Variants in CACNA1B observed in about 807,000 individuals in gnomAD.
The protein encoded by CACNA1B is voltage-dependent N-type calcium channel subunit alpha-1B.
Under a neutral mutation model 247.2 loss-of-function variants are expected in CACNA1B, and 70 were observed. The observed-to-expected ratio is 0.28, with a 90% confidence interval of 0.23 to 0.35. CACNA1B has a LOEUF of 0.35. Among genes scored for constraint, CACNA1B ranks in the 10% least tolerant of loss-of-function variants. The pLI, the probability that CACNA1B is intolerant of heterozygous loss-of-function variation, is 1.00. For synonymous variants in CACNA1B, 1,231 were observed against 1,294.4 expected, an observed-to-expected ratio of 0.95 and a Z score of 1.05; for missense variants, 2,367 against 3,197.4, an observed-to-expected ratio of 0.74 and a Z score of 6.26.
At chr9:138,021,785 G>A (rs1181359165) in intron 18 of CACNA1B, among the ~76,000 whole-genome samples, 1 of 152,242 alleles carries the variant, frequency 6.6e-6, no homozygotes, top group African/African-American at 2.4e-5. Context: ...TGGTTGTAAG[G>A]ACTGGATGAA....
At chr9:137,910,710 T>C (rs1957350426) in intron 3 of CACNA1B, among the ~76,000 whole-genome samples, 1 of 152,054 alleles carries the variant, frequency 6.6e-6, no homozygotes, top group Admixed American at 6.5e-5. Context: ...CATGCTCCTA[T>C]GAGAATCTAA....
chr9:138,108,046 A>T, intron 39 of CACNA1B, among the ~76,000 whole-genome samples: 2 of 145,178 alleles, frequency 1.4e-5, no homozygotes, highest in Non-Finnish European at 1.5e-5. Flanking sequence ...AAAAAAAAAG[A>T]GATAACCAGG....
intron 20 of CACNA1B, among the ~76,000 whole-genome samples, chr9:138,027,586 C>G (rs1258584206): frequency 4.0e-5 from 6 of 151,820 alleles, no homozygotes. Flanking sequence ...GTGTGTGTGT[C>G]TGTTTGTGTG....
chr9:138,078,746 G>C (rs1209363734), intron 36 of CACNA1B, among the ~76,000 whole-genome samples: 2 of 152,218 alleles, frequency 1.3e-5, no homozygotes, highest in Non-Finnish European at 2.9e-5. Context: ...TGGCTGCAGA[G>C]CGAGTGAGGA....
chr9:138,000,218 C>T, intron 15 of CACNA1B, among the ~76,000 whole-genome samples: 1 of 151,824 alleles, frequency 6.6e-6, no homozygotes, highest in South Asian at 2.1e-4. Flanking sequence ...CCTGCCTCAG[C>T]CTCCCGAGTG....
intron 31 of CACNA1B, among the ~76,000 whole-genome samples, chr9:138,066,165 C>T (rs954367830): frequency 2.0e-5 from 3 of 152,216 alleles, no homozygotes; most frequent in African/African-American, 4.8e-5. Flanking sequence ...CTCCTTCCTG[C>T]AGGGGAGCTC....
intron 36 of CACNA1B, among the ~76,000 whole-genome samples, chr9:138,085,987 A>G (rs1960681181): frequency 6.6e-6 from 1 of 151,240 alleles, no homozygotes; most frequent in Non-Finnish European, 1.5e-5. Flanking sequence ...TGAGTTTCAC[A>G]AAAGAGAAAG....
At chr9:137,936,857 G>A (rs936403600) in intron 6 of CACNA1B, among the ~76,000 whole-genome samples, 2 of 152,212 alleles carry the variant, frequency 1.3e-5, no homozygotes, top group African/African-American at 4.8e-5. Flanking sequence ...TTTGGTACCA[G>A]TACCATGCTG....
chr9:138,004,902 C>T (rs931752217), intron 15 of CACNA1B, among the ~76,000 whole-genome samples: 1 of 152,128 alleles, frequency 6.6e-6, no homozygotes. Flanking sequence ...CATCACTAAT[C>T]ATCAGGCGAA....
At position 138,121,322 on chromosome 9, in the gene CACNA1B, C is replaced by A; in HGVS notation, c.6490-147C>A. ...CCCCGCACACAGGTGCCTGTTGCCT[C>A]CCTGGTCACCGCAGCCCGTTGTCCC... On this transcript the variant is annotated intron_variant, in intron 46 of 46. Coordinates refer to ENST00000371372, the MANE Select transcript of CACNA1B (RefSeq NM_000718.4). The surrounding 1 kb of genome is among the most constrained non-coding windows in gnomAD (Gnocchi z 6.8). The A allele has an allele frequency of 1.6e-6, 1 of 621,022 alleles. No homozygotes were observed. Among genetic ancestry groups the A allele is most frequent in the Non-Finnish European group, 2.7e-6 (1 of 370,926 alleles). 38.5% of individuals were successfully genotyped at this position (621,022 alleles called of 1,614,324 possible).
intron 10 of CACNA1B, among the ~76,000 whole-genome samples, chr9:137,966,343 G>A (rs1958075882): frequency 6.7e-6 from 1 of 150,244 alleles, no homozygotes; most frequent in African/African-American, 2.5e-5. Context: ...TCCTGCCTCA[G>A]CCTCCTGAGT....
Position 138,102,385 on chromosome 9 carries a change from C to T in CACNA1B, c.5223-326C>T, listed in dbSNP as rs994405951. On this transcript the variant is annotated intron_variant, in intron 37 of 46. Coordinates refer to ENST00000371372, the MANE Select transcript of CACNA1B (RefSeq NM_000718.4). The surrounding 1 kb of genome is among the most constrained non-coding windows in gnomAD (Gnocchi z 5.4). ...AAGAGTAAAATCAGAAATTATCAACCCAAAGCCGCCCCGATGCAGCCCTTC... is the reference window on the plus strand; with the variant it reads ...AAGAGTAAAATCAGAAATTATCAACTCAAAGCCGCCCCGATGCAGCCCTTC... 2.6e-5 allele frequency among the ~76,000 whole-genome samples: 4 copies of T among 151,996 alleles called. No homozygotes were observed. The highest frequency in any genetic ancestry group is 6.6e-5 in the Admixed American group (1 of 15,256).
intron 3 of CACNA1B, among the ~76,000 whole-genome samples, chr9:137,893,214 AAAAAT>A (rs1363278682): frequency 6.6e-6 from 1 of 151,126 alleles, no homozygotes; most frequent in Non-Finnish European, 1.5e-5. Flanking sequence ...AGGTAAAAGA[AAAAAT>A]AAAAGCTGGC....
intron 3 of CACNA1B, among the ~76,000 whole-genome samples, chr9:137,895,390 A>T (rs571524589): frequency 2.0e-5 from 3 of 152,198 alleles, no homozygotes; most frequent in Non-Finnish European, 2.9e-5. Context: ...CTTGATATAT[A>T]AAAAAAATCA....
intron 20 of CACNA1B, among the ~76,000 whole-genome samples, chr9:138,036,405 C>T (rs1959046324): frequency 6.6e-6 from 1 of 152,238 alleles, no homozygotes; most frequent in South Asian, 2.1e-4. Flanking sequence ...TCCCAAAGTG[C>T]TGGGATTACA....
chr9:137,921,688 C>G (rs1202225917), intron 6 of CACNA1B, among the ~76,000 whole-genome samples: 1 of 142,982 alleles, frequency 7.0e-6, no homozygotes, highest in Non-Finnish European at 1.5e-5. Flanking sequence ...GTAAAGCGTT[C>G]GGAGAACACG....
chr9:138,121,981 C>T lies in CACNA1B; in HGVS notation c.7002C>T (p.Asp2334=). ...CACGGCACAGCTACCACCACCCTGA[C>T]CAAGACCACTGGTGCTAGCTGCACC... The part of the protein sequence containing the change: ...GRARHSYHHP[D]QDHWC Residue 2334 remains aspartate, a synonymous_variant, in exon 47 of 47, where the codon GAC becomes GAT. Transcript: ENST00000371372. This position sits in a 1 kb window ranked among gnomAD's most constrained non-coding sequence, Gnocchi z 6.8. 6.2e-7 allele frequency: 1 copy of T among 1,600,234 alleles called. No homozygotes were observed. Among genetic ancestry groups the T allele is most frequent in the East Asian group, 2.2e-5 (1 of 44,838 alleles).
Position 138,059,217 on chromosome 9 carries a change from T to A in CACNA1B, c.4584+28T>A. On this transcript the variant is annotated intron_variant, in intron 30 of 46. Transcript: ENST00000371372. This position sits in a 1 kb window ranked among gnomAD's most constrained non-coding sequence, Gnocchi z 4.2. ...ACGTGCTTTGGTCCCTGCTTTGCCTTTTGACAACCTATATTCTGGTTCCCC... is the reference window on the plus strand; with the variant it reads ...ACGTGCTTTGGTCCCTGCTTTGCCTATTGACAACCTATATTCTGGTTCCCC... 7.3e-7 allele frequency: 1 copy of A among 1,361,044 alleles called. No homozygotes were observed. The highest frequency in any genetic ancestry group is 1.0e-6 in the Non-Finnish European group (1 of 953,016). 84.3% of individuals were successfully genotyped at this position (1,361,044 alleles called of 1,614,324 possible).
Position 138,052,094 on chromosome 9 carries a change from G to A in CACNA1B, c.3713G>A (p.Gly1238Glu), listed in dbSNP as rs748278642. 1.3e-6 allele frequency: 2 copies of A among 1,586,000 alleles called. No individual in the cohort carries two copies. The change falls in exon 25 of 47, where the codon GGA becomes GAA. Residue 1238 changes from glycine (G) to glutamate (E), a missense_variant and splice_region_variant. Coordinates refer to ENST00000371372, the MANE Select transcript of CACNA1B (RefSeq NM_000718.4). The surrounding 1 kb of genome is among the most constrained non-coding windows in gnomAD (Gnocchi z 5.1). The part of the protein sequence containing the change: ...SGALVAFAFS[G>E]SKGKDINTIK... ...CATCTGTGGCTTCTCCCTTCTAGAG[G>A]ATCCAAAGGGAAAGACATCAATACC...
Sources: allele counts gnomAD v4.1 joint callset (sites outside exome capture counted in the v4.1 genomes callset), GRCh38; gene constraint gnomAD v4.1.1; non-coding constraint Gnocchi (gnomAD v3.1); transcripts MANE v1.5; gene names NCBI Gene and HGNC (gene_info 2026-07-23, HGNC 2026-07-21).